KAT2B: variants seen among roughly 807,000 people sequenced by gnomAD.
The protein encoded by KAT2B is lysine acetyltransferase 2B.
In KAT2B, 36 loss-of-function variants were observed where a neutral mutation model predicts 105.9. The observed-to-expected ratio is 0.34, with a 90% CI of 0.26 to 0.45. The LOEUF (loss-of-function observed/expected upper bound fraction) is 0.45, where lower values mean the gene tolerates loss of function less well. KAT2B is among the 20% of genes least tolerant of loss of function. The pLI is 1.00. For missense variants in KAT2B, 820 were observed against 1,021.6 expected, an observed-to-expected ratio of 0.80 and a Z score of 2.69; for synonymous variants, 397 against 377.9, an observed-to-expected ratio of 1.05 and a Z score of -0.59.
intron 14 of KAT2B, among the ~76,000 whole-genome samples, chr3:20,147,028 A>G (rs550884143): frequency 6.6e-6 from 1 of 152,340 alleles, no homozygotes; most frequent in Admixed American, 6.5e-5. Context: ...TGTATGTTAG[A>G]GTTGAGTTGT....
chr3:20,076,661 A>G (rs1271721464), intron 2 of KAT2B, among the ~76,000 whole-genome samples: 4 of 152,174 alleles, frequency 2.6e-5, no homozygotes, highest in Admixed American at 2.6e-4. Context: ...TGTTGTATCT[A>G]ACCCCCTGCT....
chr3:20,061,224 A>G (rs1698094772), intron 1 of KAT2B, among the ~76,000 whole-genome samples: 1 of 152,202 alleles, frequency 6.6e-6, no homozygotes, highest in Non-Finnish European at 1.5e-5. Context: ...AAGTGGAATC[A>G]TACAGTATTT....
At chr3:20,084,238 A>G (rs1328445987) in intron 2 of KAT2B, among the ~76,000 whole-genome samples, 1 of 152,014 alleles carries the variant, frequency 6.6e-6, no homozygotes, top group Non-Finnish European at 1.5e-5. Context: ...ACCTTTTTCC[A>G]CCCTTCTCCA....
At chr3:20,116,702 T>C (rs1423137409) in intron 7 of KAT2B, among the ~76,000 whole-genome samples, 1 of 152,192 alleles carries the variant, frequency 6.6e-6, no homozygotes, top group Admixed American at 6.5e-5. Flanking sequence ...GTCACAATAA[T>C]TGATACATTT....
intron 1 of KAT2B, among the ~76,000 whole-genome samples, chr3:20,047,492 T>C (rs78895864): frequency 0.026 from 4,018 of 152,316 alleles, 79 homozygotes; most frequent in South Asian, 0.081. Context: ...ATCATAAAAC[T>C]TGCCCACTGT....
At chr3:20,090,529 C>G (rs1052303475) in intron 2 of KAT2B, among the ~76,000 whole-genome samples, 1 of 152,148 alleles carries the variant, frequency 6.6e-6, no homozygotes, top group Non-Finnish European at 1.5e-5. Flanking sequence ...CCTTGCATCC[C>G]TGGGATTAAT....
At position 20,128,036 on chromosome 3, in the gene KAT2B, T is replaced by C. The variant is rs149918250; in HGVS notation, c.1749+487T>C. On this transcript the variant is annotated intron_variant, in intron 11 of 17. Coordinates refer to ENST00000263754, the MANE Select transcript of KAT2B (RefSeq NM_003884.5). Reference sequence around the variant, plus strand: ...TAGGGGTTGGGGACCTCTGTCTCACTGTGAGTGTATGTGTATGTGTGTGAG... The same window carrying C: ...TAGGGGTTGGGGACCTCTGTCTCACCGTGAGTGTATGTGTATGTGTGTGAG... Among the ~76,000 whole-genome samples the C allele has an allele frequency of 2.1e-3, 316 of 152,308 alleles. 1 individual carries two copies. The highest frequency in any genetic ancestry group is 7.2e-3 in the African/African-American group (300 of 41,558).
chr3:20,090,146 C>T (rs1698691570), intron 2 of KAT2B, among the ~76,000 whole-genome samples: 1 of 152,144 alleles, frequency 6.6e-6, no homozygotes, highest in Non-Finnish European at 1.5e-5. Flanking sequence ...ATGTTATCTG[C>T]AGAGACAATT....
chr3:20,092,480 T>G (rs922002185), intron 2 of KAT2B, among the ~76,000 whole-genome samples: 5 of 151,802 alleles, frequency 3.3e-5, no homozygotes, highest in African/African-American at 4.8e-5. Context: ...TCCACCCACC[T>G]TGTCCTCCTA....
intron 7 of KAT2B, 108 bp from the exon 8 acceptor site, chr3:20,119,490 A>G: frequency 9.0e-7 from 1 of 1,116,250 alleles, no homozygotes; most frequent in Non-Finnish European, 1.3e-6. Context: ...AAGATGACTT[A>G]TTTTGTGGCA....
chr3:20,075,310 T>C (rs920256540), intron 2 of KAT2B, among the ~76,000 whole-genome samples: 1 of 151,550 alleles, frequency 6.6e-6, no homozygotes, highest in Non-Finnish European at 1.5e-5. Context: ...CTTTTTTCTA[T>C]TTTACTCAAC....
intron 1 of KAT2B, among the ~76,000 whole-genome samples, chr3:20,041,397 A>G (rs1697717307): frequency 6.6e-6 from 1 of 152,078 alleles, no homozygotes; most frequent in African/African-American, 2.4e-5. Flanking sequence ...CCCTGTCATT[A>G]TTGTATTATT....
At chr3:20,099,787 C>G in intron 3 of KAT2B, 75 bp from the exon 4 acceptor site, 1 of 722,794 alleles carries the variant, frequency 1.4e-6, no homozygotes, top group Non-Finnish European at 2.4e-6. Flanking sequence ...CAGACAGAAA[C>G]AGAAGAGAGA....
At chr3:20,129,502 G>A (rs180866325) in intron 11 of KAT2B, among the ~76,000 whole-genome samples, 25 of 151,750 alleles carry the variant, frequency 1.6e-4, no homozygotes, top group East Asian at 1.6e-3. Flanking sequence ...AGCCTCATGC[G>A]TAGCTGGGAA....
chr3:20,073,720 A>C (rs1698367514), intron 2 of KAT2B, among the ~76,000 whole-genome samples: 1 of 128,796 alleles, frequency 7.8e-6, no homozygotes, highest in South Asian at 2.7e-4. Context: ...TTTTAAAAAA[A>C]TAAATAAATA....
At position 20,146,302 on chromosome 3, in the gene KAT2B, C is replaced by A; in HGVS notation, c.2005-14C>A. 1 of 1,436,232 alleles carries A rather than the reference C, an allele frequency of 7.0e-7. No homozygotes were observed. The highest frequency in any genetic ancestry group is 1.1e-5 in the South Asian group (1 of 87,506). 89.0% of individuals were successfully genotyped at this position (1,436,232 alleles called of 1,614,324 possible). ...CTTCTTTCCCTAAACACATTTCCTT[C>A]CTGTGCTTTACAGATAATTAAAAAA... On this transcript the variant is annotated splice_polypyrimidine_tract_variant and intron_variant, in intron 13 of 17. Coordinates refer to ENST00000263754, the MANE Select transcript of KAT2B (RefSeq NM_003884.5).
chr3:20,045,228 G>GGCTGGTTTCCT (rs1430685611), intron 1 of KAT2B, among the ~76,000 whole-genome samples: 2 of 152,024 alleles, frequency 1.3e-5, no homozygotes, highest in African/African-American at 4.8e-5. Flanking sequence ...ATGTTTGCCA[G>GGCTGGTTTCCT]GCTGGTTTCC....
intron 1 of KAT2B, among the ~76,000 whole-genome samples, chr3:20,054,667 G>T (rs1376052425): frequency 2.6e-5 from 4 of 152,242 alleles, no homozygotes; most frequent in Non-Finnish European, 5.9e-5. Flanking sequence ...GTACAAGGAT[G>T]AGACCTGAGT....
intron 6 of KAT2B, among the ~76,000 whole-genome samples, chr3:20,111,995 T>C (rs1191976645): frequency 6.6e-6 from 1 of 152,182 alleles, no homozygotes; most frequent in East Asian, 1.9e-4. Context: ...ACTGCCGTCA[T>C]TGCTCCCTTA....
Sources: allele counts gnomAD v4.1 joint callset (sites outside exome capture counted in the v4.1 genomes callset), GRCh38; gene constraint gnomAD v4.1.1; transcripts MANE v1.5; gene names NCBI Gene and HGNC (gene_info 2026-07-23, HGNC 2026-07-21).